Variants in CPPED1 observed in about 807,000 individuals in gnomAD.
CPPED1 encodes the protein serine/threonine-protein phosphatase CPPED1.
Under a neutral mutation model 28.0 loss-of-function variants are expected in CPPED1, and 28 were observed. The ratio of observed to expected loss-of-function variants is 1.00; its 90% CI spans 0.74 to 1.37. CPPED1 has a LOEUF of 1.37. Among genes scored for constraint, CPPED1 ranks in the 40% most tolerant of loss-of-function variants. The pLI is 0.00. For synonymous variants in CPPED1, 198 were observed against 180.2 expected (o/e 1.10, Z -0.79); for missense variants, 504 against 416.5 (o/e 1.21, Z -1.83).
chr16:12,744,875 T>C (rs956682067), intron 2 of CPPED1, among the ~76,000 whole-genome samples: 1 of 152,110 alleles, frequency 6.6e-6, no homozygotes, highest in African/African-American at 2.4e-5. Context: ...TCCCAGCTAC[T>C]TGGAAGGCTG....
intron 3 of CPPED1, among the ~76,000 whole-genome samples, chr16:12,667,100 TAGTC>T (rs1255764123): frequency 6.6e-6 from 1 of 151,714 alleles, no homozygotes; most frequent in Admixed American, 6.6e-5. Context: ...AGAGAGAAGT[TAGTC>T]AAGAGAGAAA....
At position 12,781,407 on chromosome 16, in the gene CPPED1, A is replaced by G; in HGVS notation, c.71-4T>C. The G allele has an allele frequency of 6.2e-7, 1 of 1,610,670 alleles. No homozygotes were observed. The highest frequency in any genetic ancestry group is 1.7e-5 in the Admixed American group (1 of 59,522). Reference sequence around the variant, plus strand: ...CCTTTCCATTCGCTTTCCTTTTCTTAAAAAAAGAGAGAGGGAGAAAGAAGG... The same window carrying G: ...CCTTTCCATTCGCTTTCCTTTTCTTGAAAAAAGAGAGAGGGAGAAAGAAGG... On this transcript the variant is annotated splice_region_variant and splice_polypyrimidine_tract_variant and intron_variant, in intron 1 of 3. Transcript: ENST00000381774.
At chr16:12,779,056 T>C (rs1041542321) in intron 2 of CPPED1, among the ~76,000 whole-genome samples, 2 of 152,258 alleles carry the variant, frequency 1.3e-5, no homozygotes, top group African/African-American at 2.4e-5. Context: ...GAAAAACTTT[T>C]ATTTTAAATC....
chr16:12,761,782 G>T (rs145207559), intron 2 of CPPED1, among the ~76,000 whole-genome samples: 2 of 152,090 alleles, frequency 1.3e-5, no homozygotes, highest in South Asian at 2.1e-4. Flanking sequence ...AGGCCGAGGC[G>T]GGCGGATCAC....
chr16:12,765,511 A>G (rs2080433281), intron 2 of CPPED1, among the ~76,000 whole-genome samples: 2 of 152,010 alleles, frequency 1.3e-5, no homozygotes, highest in South Asian at 2.1e-4. Context: ...TGCTTTCGGG[A>G]AAAAAAACAT....
chr16:12,763,938 G>T lies in CPPED1; in HGVS notation c.289+17247C>A, dbSNP rs764978490. 4.2e-4 allele frequency among the ~76,000 whole-genome samples: 64 copies of T among 151,714 alleles called. 1 individual carries two copies. The highest frequency in any genetic ancestry group is 3.4e-3 in the Middle Eastern group (1 of 292). On this transcript the variant is annotated intron_variant, in intron 2 of 3. Transcript: ENST00000381774. ...AATACAAGCTGGTATTTTGTCCACT[G>T]AAAAAAGTGAAACAAATCTGCATAT...
intron 2 of CPPED1, among the ~76,000 whole-genome samples, chr16:12,710,009 G>C (rs759795439): frequency 2.0e-5 from 3 of 150,626 alleles, no homozygotes; most frequent in Non-Finnish European, 3.0e-5. Context: ...GGAAGGAAGG[G>C]AAGGAAGGGA....
intron 2 of CPPED1, among the ~76,000 whole-genome samples, chr16:12,741,016 A>G (rs912809293): frequency 6.6e-6 from 1 of 152,170 alleles, no homozygotes; most frequent in Admixed American, 6.5e-5. Context: ...AAGTCATTTA[A>G]TCCACATCTC....
At chr16:12,686,622 T>C (rs1181238962) in intron 3 of CPPED1, among the ~76,000 whole-genome samples, 1 of 152,200 alleles carries the variant, frequency 6.6e-6, no homozygotes, top group Non-Finnish European at 1.5e-5. Flanking sequence ...CTGTGGCACA[T>C]TCCTCATCAG....
intron 3 of CPPED1, among the ~76,000 whole-genome samples, chr16:12,694,242 G>A (rs2079978063): frequency 6.6e-6 from 1 of 152,134 alleles, no homozygotes; most frequent in South Asian, 2.1e-4. Flanking sequence ...GACATTTTTA[G>A]TTGAAGAGCA....
intron 2 of CPPED1, among the ~76,000 whole-genome samples, chr16:12,779,432 A>G (rs1410305504): frequency 1.3e-5 from 2 of 151,232 alleles, no homozygotes; most frequent in East Asian, 3.9e-4. Context: ...TCTATCACCC[A>G]GTCTGGAGTG....
chr16:12,775,008 C>T lies in CPPED1; in HGVS notation c.289+6177G>A, dbSNP rs139583473. ...GATAATTTTCTATTTTTTGTATAGACGGGGTTTCACTATGTTGTCCAGGCT... is the reference window on the plus strand; with the variant it reads ...GATAATTTTCTATTTTTTGTATAGATGGGGTTTCACTATGTTGTCCAGGCT... On this transcript the variant is annotated intron_variant, in intron 2 of 3. Transcript: ENST00000381774. Among the ~76,000 whole-genome samples, 257 of 152,162 alleles carry T rather than the reference C, an allele frequency of 1.7e-3. 4 individuals carry two copies. The highest frequency in any genetic ancestry group is 5.8e-3 in the African/African-American group (239 of 41,522).
chr16:12,788,058 T>A (rs1235271742), intron 1 of CPPED1, among the ~76,000 whole-genome samples: 3 of 152,220 alleles, frequency 2.0e-5, no homozygotes, highest in African/African-American at 7.2e-5. Context: ...TGCCTTCAGT[T>A]CCTTGCCATA....
intron 3 of CPPED1, among the ~76,000 whole-genome samples, chr16:12,678,347 T>C (rs1345450889): frequency 6.6e-6 from 1 of 152,234 alleles, no homozygotes; most frequent in Non-Finnish European, 1.5e-5. Context: ...TCTAAAAAAG[T>C]AACTCAGATC....
intron 3 of CPPED1, among the ~76,000 whole-genome samples, chr16:12,671,458 G>T (rs1315182585): frequency 2.6e-5 from 4 of 152,080 alleles, no homozygotes; most frequent in Non-Finnish European, 5.9e-5. Flanking sequence ...GGGCATGAAG[G>T]GAATATGCTG....
At chr16:12,734,059 T>G (rs1010139505) in intron 2 of CPPED1, among the ~76,000 whole-genome samples, 11 of 18,974 alleles carry the variant, frequency 5.8e-4, no homozygotes, top group South Asian at 2.5e-3. Context: ...AAATTACACG[T>G]TTTTTTTTTT....
intron 3 of CPPED1, among the ~76,000 whole-genome samples, chr16:12,701,815 A>G (rs2080022239): frequency 6.6e-6 from 1 of 152,210 alleles, no homozygotes; most frequent in East Asian, 1.9e-4. Context: ...CGAAGGAGGT[A>G]GAATTAAAGG....
At chr16:12,764,882 C>T (rs1348998546) in intron 2 of CPPED1, among the ~76,000 whole-genome samples, 1 of 152,164 alleles carries the variant, frequency 6.6e-6, no homozygotes, top group African/African-American at 2.4e-5. Context: ...TAGGCAGATC[C>T]CCTCGGTTCC....
chr16:12,797,550 G>C (rs951989723), intron 1 of CPPED1, among the ~76,000 whole-genome samples: 1 of 152,020 alleles, frequency 6.6e-6, no homozygotes, highest in Middle Eastern at 3.4e-3. Context: ...GTAAGACCCT[G>C]TCTCCAAAAA....
Sources: allele counts gnomAD v4.1 joint callset (sites outside exome capture counted in the v4.1 genomes callset), GRCh38; gene constraint gnomAD v4.1.1; transcripts MANE v1.5; gene names NCBI Gene and HGNC (gene_info 2026-07-23, HGNC 2026-07-21).